BCLAF1: variants seen among roughly 807,000 people sequenced by gnomAD.
BCLAF1 encodes the protein BCL2 associated transcription factor 1.
BCLAF1 carries 10 observed loss-of-function variants against 99.5 expected under a neutral mutation model. That is an observed-to-expected ratio of 0.10 (90% CI 0.06 to 0.17). The LOEUF is 0.17. Ranked by LOEUF, BCLAF1 falls within the 10% of genes least tolerant of loss-of-function variation. The pLI, the probability that BCLAF1 is intolerant of heterozygous loss-of-function variation, is 1.00. For missense variants in BCLAF1, 636 were observed against 1,105.8 expected (o/e 0.58, Z 6.02); for synonymous variants, 255 against 370.9 (o/e 0.69, Z 3.59).
At chr6:136,279,538 C>G (rs1429654275) in intron 3 of BCLAF1, 1 of 315,046 alleles carries the variant, frequency 3.2e-6, no homozygotes, top group Non-Finnish European at 5.5e-6. Flanking sequence ...AATTTGAGAC[C>G]TGGAGTCAGA....
intron 2 of BCLAF1, among the ~76,000 whole-genome samples, chr6:136,280,858 TC>T (rs1784300422): frequency 6.6e-6 from 1 of 152,194 alleles, no homozygotes; most frequent in African/African-American, 2.4e-5. Context: ...TAGAACTATT[TC>T]CAAATTTACA....
At chr6:136,265,257 A>C (rs1163888628) in intron 11 of BCLAF1, among the ~76,000 whole-genome samples, 1 of 151,792 alleles carries the variant, frequency 6.6e-6, no homozygotes, top group African/African-American at 2.4e-5. Context: ...TAGAGCACTT[A>C]GATTTTTTTG....
intron 2 of BCLAF1, among the ~76,000 whole-genome samples, chr6:136,281,411 G>A (rs142722642): frequency 5.0e-4 from 76 of 152,280 alleles, no homozygotes; most frequent in African/African-American, 1.8e-3. Context: ...TTTACAGCCT[G>A]TAAAGGAAGG....
intron 11 of BCLAF1, among the ~76,000 whole-genome samples, chr6:136,263,142 C>T (rs971277054): frequency 1.3e-5 from 2 of 152,178 alleles, no homozygotes; most frequent in Non-Finnish European, 2.9e-5. Flanking sequence ...ACTGCCCTCA[C>T]TTTAGAAATA....
In BCLAF1 at chr6:136,277,783, A is replaced by G. The variant is rs1783636859; in HGVS notation, c.1016+82T>C. 2.7e-6 allele frequency: 4 copies of G among 1,463,354 alleles called. No individual in the cohort carries two copies. In the African/African-American group the frequency reaches 5.7e-5, roughly 21 times the overall value. The allele number at this position is 1,463,354 out of a possible 1,614,324, so 90.6% of individuals were successfully genotyped here. ...AAAAACCGCTAGTTAAATACATATC[A>G]CAATTTTACGTTTATAATTCCAAAC... is the stretch of plus-strand genomic sequence containing the variant. On this transcript the variant is annotated intron_variant, in intron 4 of 12. Transcript: ENST00000531224.
Position 136,260,014 on chromosome 6 carries a change from G to C in BCLAF1, c.*1096C>G, listed in dbSNP as rs1780771887. On this transcript the variant is annotated 3_prime_UTR_variant, in exon 13 of 13. Coordinates refer to ENST00000531224, the MANE Select transcript of BCLAF1 (RefSeq NM_014739.3). ...CTACAAAAACTGCAACTGAAATGGG[G>C]GGGAAAAAGGTTAGATCAATGCCGC... is the stretch of plus-strand genomic sequence containing the variant. 2 of 151,984 alleles carry C rather than the reference G, an allele frequency of 1.3e-5. No homozygotes were observed. Among genetic ancestry groups the C allele is most frequent in the South Asian group, 2.1e-4 (1 of 4,832 alleles). 9.4% of individuals were successfully genotyped at this position (151,984 alleles called of 1,614,324 possible).
At position 136,267,193 on chromosome 6, in the gene BCLAF1, AGTT is replaced by A. The variant is rs1781827607; in HGVS notation, c.2398-21_2398-19del. 1 of 1,609,978 alleles carries A rather than the reference AGTT, an allele frequency of 6.2e-7. No homozygotes were observed. The highest frequency in any genetic ancestry group is 1.3e-5 in the African/African-American group (1 of 74,766). ...ATTCGAAACTGATTAACATTAACAA[AGTT>A]GTTTAGTGATGCAATCAAAAGGTAT... On this transcript the variant is annotated intron_variant, in intron 10 of 12. Coordinates refer to ENST00000531224, the MANE Select transcript of BCLAF1 (RefSeq NM_014739.3).
At chr6:136,261,716 A>G (rs1234143106) in intron 11 of BCLAF1, among the ~76,000 whole-genome samples, 1 of 152,170 alleles carries the variant, frequency 6.6e-6, no homozygotes, top group Non-Finnish European at 1.5e-5. Flanking sequence ...TACCCAGACA[A>G]TCATTTGGAA....
At chr6:136,272,836 A>G (rs1018108601) in intron 7 of BCLAF1, among the ~76,000 whole-genome samples, 1 of 151,968 alleles carries the variant, frequency 6.6e-6, no homozygotes, top group African/African-American at 2.4e-5. Context: ...AAACTAATTG[A>G]TAACTATTTA....
intron 5 of BCLAF1, 56 bp downstream of exon 5, chr6:136,275,787 T>G (rs1783225825): frequency 6.4e-7 from 1 of 1,570,882 alleles, no homozygotes; most frequent in Admixed American, 1.9e-5. Flanking sequence ...TTTAAGATAA[T>G]TAACTGGAAT....
Position 136,267,123 on chromosome 6 carries a change from G to C in BCLAF1, c.2450C>G (p.Thr817Ser). The C allele has an allele frequency of 6.2e-7, 1 of 1,613,066 alleles. No homozygotes were observed. Among genetic ancestry groups the C allele is most frequent in the Non-Finnish European group, 8.5e-7 (1 of 1,179,344 alleles). ...RARGVFAGTN[T>S]GPNNSNTTFQ... ...AGTAGTATTTGAGTTGTTTGGACCA[G>C]TATTTGTCCCAGCAAAAACTCCTCT... Residue 817 changes from threonine (T) to serine (S), a missense_variant, in exon 11 of 13, where the codon ACT becomes AGT. This residue lies in a region of BCLAF1 where 30 missense variants were observed against 22.9 expected (regional missense o/e 1.31). Transcript: ENST00000531224.
rs762411912 is a variant in BCLAF1 at position 136,275,584 on chromosome 6, G to A, written c.1800C>T (p.Ser600=). The change falls in exon 6 of 13, where the codon AGC becomes AGT. Residue 600 remains serine, a synonymous_variant. Transcript: ENST00000531224. Reference sequence around the variant, plus strand: ...TGTGTTGAATAAATGACTCTGAAGTGCTTTTGCTGGCCTGTGGCAACTTAA... The same window carrying A: ...TGTGTTGAATAAATGACTCTGAAGTACTTTTGCTGGCCTGTGGCAACTTAA... ...DHIKLPQASK[S]TSESFIQHIV... is the part of the protein sequence containing the mutation. The A allele has an allele frequency of 6.3e-7, 1 of 1,590,988 alleles. No individual in the cohort carries two copies. Among genetic ancestry groups the A allele is most frequent in the Non-Finnish European group, 8.5e-7 (1 of 1,170,746 alleles).
chr6:136,270,642 A>T (rs1782382278), intron 8 of BCLAF1, among the ~76,000 whole-genome samples: 1 of 151,930 alleles, frequency 6.6e-6, no homozygotes, highest in Admixed American at 6.6e-5. Flanking sequence ...AAGTAACAAG[A>T]TAATGTAAAT....
chr6:136,259,375 T>G lies in BCLAF1; in HGVS notation c.*1735A>C, dbSNP rs1780700290. On this transcript the variant is annotated 3_prime_UTR_variant, in exon 13 of 13. Transcript: ENST00000531224. ...ATTTGATGTCTAACCAAGTAACTGT[T>G]ATGGTATTTATTTGTATACAATAAA... The G allele has an allele frequency of 6.6e-6, 1 of 152,080 alleles. No homozygotes were observed. The highest frequency in any genetic ancestry group is 1.5e-5 in the Non-Finnish European group (1 of 67,908). 9.4% of individuals were successfully genotyped at this position (152,080 alleles called of 1,614,324 possible).
At chr6:136,284,130 G>GTATA (rs60218804) in intron 1 of BCLAF1, among the ~76,000 whole-genome samples, 5,904 of 121,930 alleles carry the variant, frequency 0.048, 148 homozygotes, top group Middle Eastern at 0.094. Flanking sequence ...GTGTGTGTGT[G>GTATA]TATATATATA....
At chr6:136,278,874 G>A (rs1783959636) in intron 3 of BCLAF1, 98 bp from the exon 4 acceptor site, 17 of 1,188,366 alleles carry the variant, frequency 1.4e-5, no homozygotes, top group South Asian at 1.3e-4. Flanking sequence ...AAACAGTAAA[G>A]GCAAAAATAC....
intron 3 of BCLAF1, among the ~76,000 whole-genome samples, chr6:136,279,264 T>C (rs1055584643): frequency 4.6e-5 from 7 of 152,206 alleles, no homozygotes; most frequent in Admixed American, 1.3e-4. Context: ...TAATTCTTAA[T>C]GGTATTATGG....
At chr6:136,269,287 AGAC>A in intron 9 of BCLAF1, 147 bp downstream of exon 9, 1 of 1,525,434 alleles carries the variant, frequency 6.6e-7, no homozygotes, top group Non-Finnish European at 8.8e-7. Flanking sequence ...GCCGTGTAAA[AGAC>A]AAATACATTT....
chr6:136,269,720 G>T (rs567052248), intron 8 of BCLAF1, 108 bp from the exon 9 acceptor site: 649 of 795,232 alleles, frequency 8.2e-4, no homozygotes, highest in Non-Finnish European at 8.3e-4. Context: ...TGGCATTTTA[G>T]TATCAGAAAA....
Sources: allele counts gnomAD v4.1 joint callset (sites outside exome capture counted in the v4.1 genomes callset), GRCh38; gene constraint gnomAD v4.1.1; regional missense constraint gnomAD v4.1.1; transcripts MANE v1.5; gene names NCBI Gene and HGNC (gene_info 2026-07-23, HGNC 2026-07-21).